ICA1: variants seen among roughly 807,000 people sequenced by gnomAD.
ICA1 encodes 69 kDa islet cell autoantigen.
In ICA1, 40 loss-of-function variants were observed where a neutral mutation model predicts 71.0. That is an observed-to-expected ratio of 0.56 (90% CI 0.44 to 0.73). The LOEUF is 0.73. ICA1 is among the 30% of genes least tolerant of loss of function. ICA1 has a pLI of 0.00. For missense variants in ICA1, 578 were observed against 576.5 expected (o/e 1.00, Z -0.03); for synonymous variants, 207 against 209.5 (o/e 0.99, Z 0.10).
chr7:8,220,100 G>A (rs1466451908), intron 5 of ICA1, among the ~76,000 whole-genome samples: 1 of 152,068 alleles, frequency 6.6e-6, no homozygotes, highest in Non-Finnish European at 1.5e-5. Context: ...TTTCTAGAAT[G>A]AATATGTATT....
chr7:8,260,485 A>T (rs901042604), intron 1 of ICA1, among the ~76,000 whole-genome samples: 4 of 152,206 alleles, frequency 2.6e-5, no homozygotes, highest in Admixed American at 6.5e-5. Context: ...GTTTTTTAAC[A>T]TCAGGTCTCT....
chr7:8,247,995 T>G (rs1351573691), intron 1 of ICA1, among the ~76,000 whole-genome samples: 1 of 152,334 alleles, frequency 6.6e-6, no homozygotes, highest in South Asian at 2.1e-4. Context: ...AACTCAAATG[T>G]AGTTAATTTT....
chr7:8,196,858 G>A (rs1787757834), intron 6 of ICA1, among the ~76,000 whole-genome samples: 1 of 152,068 alleles, frequency 6.6e-6, no homozygotes, highest in Non-Finnish European at 1.5e-5. Context: ...TTGTGGTAGT[G>A]AATATATCTC....
At chr7:8,214,772 T>C (rs1309482089) in intron 6 of ICA1, among the ~76,000 whole-genome samples, 1 of 152,224 alleles carries the variant, frequency 6.6e-6, no homozygotes, top group Admixed American at 6.5e-5. Flanking sequence ...TTTTCATTCA[T>C]CATTTCAGTC....
chr7:8,207,825 ATGG>A (rs1792143457), intron 6 of ICA1, among the ~76,000 whole-genome samples: 1 of 152,218 alleles, frequency 6.6e-6, no homozygotes, highest in Admixed American at 6.5e-5. Context: ...AGAACTATGA[ATGG>A]AAACTACCAG....
intron 9 of ICA1, among the ~76,000 whole-genome samples, chr7:8,143,016 A>G (rs1795740853): frequency 1.3e-5 from 2 of 152,258 alleles, no homozygotes; most frequent in African/African-American, 4.8e-5. Context: ...TTAGAAATAC[A>G]ATAAAAGTAT....
rs1275699498 is a variant in ICA1 at position 8,113,680 on chromosome 7, G to A, written c.*243C>T. The A allele has an allele frequency of 3.5e-5, 13 of 372,842 alleles. No homozygotes were observed. The East Asian group carries it at 5.6e-4, about 16-fold the overall frequency. The allele number at this position is 372,842 out of a possible 1,614,324, so 23.1% of individuals were successfully genotyped here. ...CATGATGGGATGTAGGCAGGAGAGCGGTGGCCTGGAAACCGCTTCTAGACA... is the reference window on the plus strand; with the variant it reads ...CATGATGGGATGTAGGCAGGAGAGCAGTGGCCTGGAAACCGCTTCTAGACA... On this transcript the variant is annotated 3_prime_UTR_variant, in exon 14 of 14. Transcript: ENST00000402384. The surrounding 1 kb of genome is among the most constrained non-coding windows in gnomAD (Gnocchi z 4.2).
chr7:8,235,391 A>C (rs907591577), intron 2 of ICA1, among the ~76,000 whole-genome samples: 1 of 152,188 alleles, frequency 6.6e-6, no homozygotes, highest in African/African-American at 2.4e-5. Context: ...CAGCGCTAAC[A>C]TTGCCAAATG....
At chr7:8,224,746 A>G (rs1798107371) in intron 4 of ICA1, among the ~76,000 whole-genome samples, 1 of 152,202 alleles carries the variant, frequency 6.6e-6, no homozygotes, top group Admixed American at 6.5e-5. Flanking sequence ...GCACCAAAAC[A>G]TTGAGTGTCC....
chr7:8,170,038 T>C (rs1273675955), intron 6 of ICA1, among the ~76,000 whole-genome samples: 1 of 151,992 alleles, frequency 6.6e-6, no homozygotes, highest in Non-Finnish European at 1.5e-5. Flanking sequence ...ACTTGAGATC[T>C]GATTCAAGTT....
upstream of ICA1, chr7:8,262,471 T>C (rs1317746489): frequency 6.6e-6 from 1 of 151,752 alleles, no homozygotes; most frequent in African/African-American, 2.4e-5. Context: ...ACTCGGGGAG[T>C]GAGTTTCTCT....
At chr7:8,125,578 G>A (rs746258769) in intron 13 of ICA1, among the ~76,000 whole-genome samples, 2 of 152,030 alleles carry the variant, frequency 1.3e-5, no homozygotes, top group Non-Finnish European at 2.9e-5. Context: ...CCCTAACATC[G>A]ATCACTTTCT....
intron 6 of ICA1, among the ~76,000 whole-genome samples, chr7:8,211,352 G>A (rs982025367): frequency 2.0e-5 from 3 of 152,154 alleles, no homozygotes; most frequent in African/African-American, 7.2e-5. Context: ...CTGCCCCCCG[G>A]TGACGGGCAC....
At chr7:8,244,613 A>G (rs113942134) in intron 1 of ICA1, among the ~76,000 whole-genome samples, 2 of 152,196 alleles carry the variant, frequency 1.3e-5, no homozygotes, top group Non-Finnish European at 2.9e-5. Flanking sequence ...CCATCAGAGT[A>G]AACAGGCAAC....
chr7:8,211,972 C>T (rs567957698), intron 6 of ICA1, among the ~76,000 whole-genome samples: 1 of 152,274 alleles, frequency 6.6e-6, no homozygotes, highest in East Asian at 1.9e-4. Flanking sequence ...GACCTGTGGG[C>T]CATAGGTTAC....
chr7:8,149,765 A>C (rs1798179618), intron 8 of ICA1, among the ~76,000 whole-genome samples: 1 of 152,204 alleles, frequency 6.6e-6, no homozygotes, highest in Non-Finnish European at 1.5e-5. Context: ...TGAAGGTGCC[A>C]AGTAATTGTC....
intron 6 of ICA1, among the ~76,000 whole-genome samples, chr7:8,178,896 T>C (rs1489368589): frequency 6.6e-6 from 1 of 152,202 alleles, no homozygotes; most frequent in African/African-American, 2.4e-5. Flanking sequence ...GGTGCTCTTA[T>C]GGTGGAATCT....
At chr7:8,127,812 G>A in intron 13 of ICA1, 61 bp downstream of exon 13, 1 of 1,490,406 alleles carries the variant, frequency 6.7e-7, no homozygotes, top group Non-Finnish European at 9.0e-7. Flanking sequence ...ATATGCTTTT[G>A]GATTGAAAAC....
At position 8,223,777 on chromosome 7, in the gene ICA1, A is replaced by G. The variant is rs932346582; in HGVS notation, c.257-2379T>C. Reference sequence around the variant, plus strand: ...ACCCCTGTCTCTATTACAAGAAGAAAGCAAAAACAAAAAAAGATAACTCAA... The same window carrying G: ...ACCCCTGTCTCTATTACAAGAAGAAGGCAAAAACAAAAAAAGATAACTCAA... On this transcript the variant is annotated intron_variant, in intron 4 of 13. Transcript: ENST00000402384. The surrounding 1 kb of genome is among the most constrained non-coding windows in gnomAD (Gnocchi z 4.1). 6.6e-6 allele frequency among the ~76,000 whole-genome samples: 1 copy of G among 152,192 alleles called. No individual in the cohort carries two copies. The highest frequency in any genetic ancestry group is 2.4e-5 in the African/African-American group (1 of 41,456).
Sources: allele counts gnomAD v4.1 joint callset (sites outside exome capture counted in the v4.1 genomes callset), GRCh38; gene constraint gnomAD v4.1.1; non-coding constraint Gnocchi (gnomAD v3.1); transcripts MANE v1.5; gene names NCBI Gene and HGNC (gene_info 2026-07-23, HGNC 2026-07-21).